The following RIMS1 variants were observed in gnomAD, a reference collection of about 807,000 sequenced individuals.
RIMS1 encodes regulating synaptic membrane exocytosis 1, also known as regulating synaptic membrane exocytosis protein 1.
A neutral mutation model predicts 214.1 loss-of-function variants in RIMS1; 83 were observed. The observed-to-expected ratio is 0.39, with a 90% confidence interval of 0.32 to 0.47. RIMS1 has a LOEUF of 0.47. Ranked by LOEUF, RIMS1 falls within the 20% of genes least tolerant of loss-of-function variation. The pLI, the probability that RIMS1 is intolerant of heterozygous loss-of-function variation, is 0.99. For synonymous variants in RIMS1, 793 were observed against 786.8 expected, an observed-to-expected ratio of 1.01 and a Z score of -0.13; for missense variants, 2,050 against 2,161.8, an observed-to-expected ratio of 0.95 and a Z score of 1.03.
chr6:72,011,995 A>G (rs1281921144), intron 2 of RIMS1, among the ~76,000 whole-genome samples: 1 of 152,204 alleles, frequency 6.6e-6, no homozygotes, highest in African/African-American at 2.4e-5. Context: ...TACCCAAAGG[A>G]TTATAAATCA....
At chr6:72,356,226 C>A (rs1464637109) in intron 29 of RIMS1, among the ~76,000 whole-genome samples, 1 of 151,874 alleles carries the variant, frequency 6.6e-6, no homozygotes, top group Non-Finnish European at 1.5e-5. Context: ...ACTTTAACTC[C>A]AAATCACTAA....
intron 25 of RIMS1, among the ~76,000 whole-genome samples, chr6:72,291,281 A>G (rs549289983): frequency 6.6e-6 from 1 of 152,188 alleles, no homozygotes; most frequent in African/African-American, 2.4e-5. Flanking sequence ...TCAGTTTGAA[A>G]AGTGTTTAAA....
intron 6 of RIMS1, among the ~76,000 whole-genome samples, chr6:72,188,104 T>C (rs2049431126): frequency 6.6e-6 from 1 of 152,236 alleles, no homozygotes; most frequent in Non-Finnish European, 1.5e-5. Context: ...TGGGAACTGA[T>C]GAGATTGTTC....
At chr6:72,015,711 G>C (rs1455651473) in intron 2 of RIMS1, among the ~76,000 whole-genome samples, 2 of 152,088 alleles carry the variant, frequency 1.3e-5, no homozygotes, top group Non-Finnish European at 2.9e-5. Flanking sequence ...CAGATCACGA[G>C]GTCAGGAGAT....
At chr6:72,243,390 G>T (rs182553632) in intron 10 of RIMS1, among the ~76,000 whole-genome samples, 1 of 151,546 alleles carries the variant, frequency 6.6e-6, no homozygotes, top group East Asian at 1.9e-4. Flanking sequence ...TAAAATAAAG[G>T]CAAGCTTTTA....
At chr6:72,336,512 G>A (rs1481325359) in intron 29 of RIMS1, among the ~76,000 whole-genome samples, 1 of 151,734 alleles carries the variant, frequency 6.6e-6, no homozygotes, top group Non-Finnish European at 1.5e-5. Context: ...GTGGAAAAAG[G>A]AAATGGGATT....
chr6:72,111,182 A>C (rs2036008549), intron 4 of RIMS1, among the ~76,000 whole-genome samples: 1 of 152,158 alleles, frequency 6.6e-6, no homozygotes, highest in Non-Finnish European at 1.5e-5. Context: ...TTTGATCTGT[A>C]GGCATGTCTT....
chr6:72,215,434 A>C (rs907446585), intron 6 of RIMS1, among the ~76,000 whole-genome samples: 1 of 152,252 alleles, frequency 6.6e-6, no homozygotes, highest in Non-Finnish European at 1.5e-5. Flanking sequence ...TGAAAAGCTC[A>C]TACATGGCTT....
At chr6:72,173,032 G>A (rs1421903006) in intron 4 of RIMS1, among the ~76,000 whole-genome samples, 1 of 152,072 alleles carries the variant, frequency 6.6e-6, no homozygotes, top group African/African-American at 2.4e-5. Context: ...TATGTGAGTG[G>A]TAAATTTTCC....
At chr6:72,140,634 A>G (rs1421433453) in intron 4 of RIMS1, among the ~76,000 whole-genome samples, 1 of 152,064 alleles carries the variant, frequency 6.6e-6, no homozygotes, top group African/African-American at 2.4e-5. Context: ...GATTTCTCCA[A>G]CAAGAAAGCA....
At chr6:71,955,310 G>A (rs906204730) in intron 1 of RIMS1, among the ~76,000 whole-genome samples, 2 of 152,082 alleles carry the variant, frequency 1.3e-5, no homozygotes, top group African/African-American at 4.8e-5. Context: ...GGGATTACAG[G>A]TGCCAGCCAT....
At chr6:72,371,157 T>G (rs1437890750) in intron 29 of RIMS1, among the ~76,000 whole-genome samples, 1 of 152,196 alleles carries the variant, frequency 6.6e-6, no homozygotes, top group Admixed American at 6.5e-5. Flanking sequence ...TATGTATGTG[T>G]GTATGTGTGC....
chr6:72,003,240 T>A (rs1286928083), intron 2 of RIMS1, among the ~76,000 whole-genome samples: 1 of 152,176 alleles, frequency 6.6e-6, no homozygotes, highest in East Asian at 1.9e-4. Context: ...ATGGCTCTTT[T>A]CTTGCCTTAG....
intron 29 of RIMS1, among the ~76,000 whole-genome samples, chr6:72,364,007 C>A (rs1211706159): frequency 6.6e-6 from 1 of 152,232 alleles, no homozygotes; most frequent in Non-Finnish European, 1.5e-5. Context: ...GCCTTCCTCA[C>A]CAGATTCCAT....
intron 1 of RIMS1, among the ~76,000 whole-genome samples, chr6:71,919,816 A>G (rs1395178851): frequency 6.6e-6 from 1 of 152,212 alleles, no homozygotes; most frequent in Non-Finnish European, 1.5e-5. Flanking sequence ...GTTCAATGGT[A>G]TCAGAAAATC....
At chr6:72,023,423 T>TGTAGGGTTTTTTTGTTATTAAA (rs1285208492) in intron 2 of RIMS1, among the ~76,000 whole-genome samples, 1 of 152,126 alleles carries the variant, frequency 6.6e-6, no homozygotes, top group Non-Finnish European at 1.5e-5. Flanking sequence ...ATTTTGTAGT[T>TGTAGGGTTTTTTTGTTATTAAA]GTAGGGTTTT....
At chr6:71,985,065 T>C (rs2151525255) in intron 2 of RIMS1, among the ~76,000 whole-genome samples, 1 of 152,248 alleles carries the variant, frequency 6.6e-6, no homozygotes, top group South Asian at 2.1e-4. Flanking sequence ...AAGTTTGCAA[T>C]CTAGTTTAAA....
At chr6:72,335,003 G>A (rs2096790288) in intron 29 of RIMS1, among the ~76,000 whole-genome samples, 1 of 151,766 alleles carries the variant, frequency 6.6e-6, no homozygotes. Flanking sequence ...TTTCATTTGT[G>A]TTGTTTCTTT....
At chr6:72,347,601 G>A (rs2154365290) in intron 29 of RIMS1, among the ~76,000 whole-genome samples, 1 of 151,956 alleles carries the variant, frequency 6.6e-6, no homozygotes, top group South Asian at 2.1e-4. Flanking sequence ...TATTTGACAT[G>A]AGCAAATGAT....
Sources: gnomAD v4.1 joint callset for allele counts (sites outside exome capture counted in the v4.1 genomes callset) on GRCh38, gnomAD v4.1.1 for gene constraint, MANE v1.5 for transcripts, NCBI Gene and HGNC (gene_info 2026-07-23, HGNC 2026-07-21) for gene names.